The following DIAPH2 variants were observed in gnomAD, a reference collection of about 807,000 sequenced individuals.
DIAPH2 encodes the protein diaphanous related formin 2, also known as protein diaphanous homolog 2.
A neutral mutation model predicts 92.7 loss-of-function variants in DIAPH2; 35 were observed. That is an observed-to-expected ratio of 0.38 (90% CI 0.29 to 0.50). The LOEUF (loss-of-function observed/expected upper bound fraction) is 0.50. Ranked by LOEUF, DIAPH2 falls within the 20% of genes least tolerant of loss-of-function variation. The pLI, the probability that DIAPH2 is intolerant of heterozygous loss-of-function variation, is 0.94. For missense variants in DIAPH2, 701 were observed against 819.5 expected (o/e 0.86, Z 1.77); for synonymous variants, 301 against 280.4 (o/e 1.07, Z -0.73).
chrX:97,386,265 A>G, intron 25 of DIAPH2, among the ~76,000 whole-genome samples: 1 of 112,347 alleles, frequency 8.9e-6, no homozygotes. Context: ...TAGAATCAGG[A>G]AAACTGGTCA....
intron 4 of DIAPH2, among the ~76,000 whole-genome samples, chrX:96,790,361 A>T (rs959158327): frequency 8.9e-6 from 1 of 111,754 alleles, no homozygotes; most frequent in African/African-American, 3.3e-5. Context: ...ATGAGCCACC[A>T]TGCCTGGCTT....
At chrX:97,392,673 A>G (rs2069670427) in intron 25 of DIAPH2, among the ~76,000 whole-genome samples, 2 of 111,625 alleles carry the variant, frequency 1.8e-5, no homozygotes, top group Admixed American at 9.5e-5. Flanking sequence ...TGCTTTATGT[A>G]GGATATGTGT....
intron 26 of DIAPH2, among the ~76,000 whole-genome samples, chrX:97,481,981 T>G (rs571507995): frequency 8.9e-6 from 1 of 112,293 alleles, no homozygotes; most frequent in Non-Finnish European, 1.9e-5. Context: ...CAAGTGATGT[T>G]ACTGCTTTGA....
At chrX:96,786,260 A>C (rs2064456336) in intron 4 of DIAPH2, among the ~76,000 whole-genome samples, 1 of 111,544 alleles carries the variant, frequency 9.0e-6, no homozygotes, top group Non-Finnish European at 1.9e-5. Context: ...TTGGCAGCTG[A>C]AATGAGCTAA....
chrX:96,743,093 T>C (rs1011139648), intron 3 of DIAPH2, among the ~76,000 whole-genome samples: 1 of 112,519 alleles, frequency 8.9e-6, no homozygotes, highest in South Asian at 3.6e-4. Flanking sequence ...CTCTTTATGA[T>C]TTTTTTTAAA....
intron 23 of DIAPH2, among the ~76,000 whole-genome samples, chrX:97,331,755 AAGGTT>A (rs1471374299): frequency 1.8e-5 from 2 of 111,661 alleles, no homozygotes; most frequent in African/African-American, 6.5e-5. Context: ...TATCAGGGTT[AAGGTT>A]AGGTTTACAT....
intron 4 of DIAPH2, among the ~76,000 whole-genome samples, chrX:96,827,211 T>A (rs1372858327): frequency 8.9e-6 from 1 of 112,142 alleles, no homozygotes. Flanking sequence ...ATATCAATAG[T>A]TGAGCCTAGA....
intron 23 of DIAPH2, among the ~76,000 whole-genome samples, chrX:97,273,899 C>T (rs2068411804): frequency 9.0e-6 from 1 of 110,941 alleles, no homozygotes; most frequent in African/African-American, 3.3e-5. Flanking sequence ...TACTCTTGGC[C>T]TTGACATCAT....
intron 26 of DIAPH2, among the ~76,000 whole-genome samples, chrX:97,502,082 C>T (rs1032236890): frequency 8.9e-6 from 1 of 112,291 alleles, no homozygotes; most frequent in Non-Finnish European, 1.9e-5. Context: ...GGATTACAAG[C>T]GTGAGCCATC....
chrX:96,772,104 C>T (rs924457345), intron 4 of DIAPH2, among the ~76,000 whole-genome samples: 1 of 111,160 alleles, frequency 9.0e-6, no homozygotes, highest in African/African-American at 3.3e-5. Flanking sequence ...TATTTGATTC[C>T]ATTTTTCATT....
chrX:97,300,837 CAGG>C (rs1388762594), intron 23 of DIAPH2, among the ~76,000 whole-genome samples: 1 of 96,255 alleles, frequency 1.0e-5, no homozygotes, highest in Non-Finnish European at 2.0e-5. Flanking sequence ...GAGGCTGAGG[CAGG>C]AGAATGGCGT....
chrX:97,538,974 G>C (rs1232164287), intron 26 of DIAPH2, among the ~76,000 whole-genome samples: 1 of 111,645 alleles, frequency 9.0e-6, no homozygotes, highest in Non-Finnish European at 1.9e-5. Flanking sequence ...TTTAGTTTTT[G>C]TTTTTCGTTT....
At chrX:96,756,791 C>G (rs1366520487) in intron 3 of DIAPH2, among the ~76,000 whole-genome samples, 4 of 110,185 alleles carry the variant, frequency 3.6e-5, no homozygotes, top group Non-Finnish European at 5.7e-5. Context: ...TTATTTTCCT[C>G]TTTTTTTCTA....
At chrX:97,068,831 A>G (rs924258754) in intron 17 of DIAPH2, among the ~76,000 whole-genome samples, 1 of 112,392 alleles carries the variant, frequency 8.9e-6, no homozygotes, top group African/African-American at 3.2e-5. Flanking sequence ...TGTTAAATAT[A>G]CAAATATGTA....
intron 26 of DIAPH2, among the ~76,000 whole-genome samples, chrX:97,583,897 C>A (rs982462339): frequency 1.8e-5 from 2 of 112,479 alleles, no homozygotes; most frequent in Admixed American, 1.9e-4. Flanking sequence ...TTAAGCCCTT[C>A]GGAAAAGCGC....
In DIAPH2 at chrX:97,603,426, T is replaced by C. The variant is rs1315013276; in HGVS notation, c.*4109T>C. 9.1e-6 allele frequency: 1 copy of C among 109,964 alleles called. No individual in the cohort carries two copies. The highest frequency in any genetic ancestry group is 1.9e-5 in the Non-Finnish European group (1 of 52,753). The allele number at this position is 109,964 out of a possible 1,213,427, so 9.1% of individuals were successfully genotyped here. A position where few individuals can be genotyped will look rare whatever the true frequency, so the allele number is the denominator to read the frequency against. ...GTGCATGCCACCATGCCTGGCTAAT[T>C]TTTTGCATTTTTTTGTAGAGACTTG... On this transcript the variant is annotated 3_prime_UTR_variant, in exon 27 of 27. Coordinates refer to ENST00000324765, the MANE Select transcript of DIAPH2 (RefSeq NM_006729.5).
intron 4 of DIAPH2, among the ~76,000 whole-genome samples, chrX:96,872,464 A>G (rs904905959): frequency 1.9e-5 from 2 of 104,730 alleles, no homozygotes; most frequent in Non-Finnish European, 3.9e-5. Context: ...ATAGTACACC[A>G]TTGTGTATAT....
chrX:97,345,421 T>C (rs1007059979), intron 23 of DIAPH2, among the ~76,000 whole-genome samples: 9 of 111,922 alleles, frequency 8.0e-5, no homozygotes, highest in African/African-American at 2.9e-4. Context: ...CCAGAAATGG[T>C]CTGATTTCCC....
intron 23 of DIAPH2, among the ~76,000 whole-genome samples, chrX:97,275,275 C>T (rs1183168946): frequency 9.9e-6 from 1 of 101,442 alleles, no homozygotes; most frequent in Admixed American, 1.0e-4. Flanking sequence ...CAGGGGCTGC[C>T]CCCCCAACCT....
Sources: allele counts gnomAD v4.1 joint callset (sites outside exome capture counted in the v4.1 genomes callset), GRCh38; gene constraint gnomAD v4.1.1; transcripts MANE v1.5; gene names NCBI Gene and HGNC (gene_info 2026-07-23, HGNC 2026-07-21).